The following NME2 variants were observed in gnomAD, a reference collection of about 807,000 sequenced individuals.
NME2 encodes nucleoside diphosphate kinase B.
In NME2, 18 loss-of-function variants were observed where a neutral mutation model predicts 17.8. That is an observed-to-expected ratio of 1.01 (90% CI 0.70 to 1.50). The LOEUF (loss-of-function observed/expected upper bound fraction) is 1.50, where lower values mean the gene tolerates loss of function less well. Among genes scored for constraint, NME2 ranks in the 40% most tolerant of loss-of-function variants. NME2 has a pLI of 0.00. For missense variants in NME2, 161 were observed against 195.6 expected (o/e 0.82, Z 1.05); for synonymous variants, 74 against 71.4 (o/e 1.04, Z -0.19).
intron 1 of NME2, 55 bp from the exon 2 acceptor site, chr17:51,166,772 C>T: frequency 6.6e-7 from 1 of 1,507,352 alleles, no homozygotes; most frequent in African/African-American, 1.5e-5. Flanking sequence ...ACGTGGCCTC[C>T]GCGGGCCCCG....
chr17:51,168,333 T>C lies in NME2; in HGVS notation c.218T>C (p.Val73Ala). 6.2e-7 allele frequency: 1 copy of C among 1,613,848 alleles called. No homozygotes were observed. The highest frequency in any genetic ancestry group is 8.5e-7 in the Non-Finnish European group (1 of 1,179,856). Residue 73 changes from valine (V) to alanine (A), a missense_variant, in exon 3 of 5, where the codon GTT (valine) becomes GCT (alanine). Transcript: ENST00000512737. ...GLVKYMNSGP[V>A]VAMVWEGLNV... ...GTGAAGTACATGAACTCAGGGCCGG[T>C]TGTGGCCATGGTGAGTGCTCGTGGG...
chr17:51,170,141 C>CTT, intron 4 of NME2, 92 bp downstream of exon 4: 1 of 942,484 alleles, frequency 1.1e-6, no homozygotes, highest in Non-Finnish European at 1.5e-6. Flanking sequence ...GAATCTGTGC[C>CTT]CTTTTTTTTT....
intron 2 of NME2, chr17:51,167,167 C>G (rs1021271744): frequency 3.6e-6 from 4 of 1,100,106 alleles, no homozygotes; most frequent in South Asian, 1.7e-5. Context: ...GCGCTGGTAG[C>G]GTGACTCGCC....
intron 2 of NME2, 34 bp downstream of exon 2, chr17:51,166,990 G>A (rs1427035093): frequency 6.2e-7 from 1 of 1,609,872 alleles, no homozygotes. Context: ...CCCCGCTGCA[G>A]CCGGCTCGCG....
chr17:51,167,373 C>G (rs2049969373), intron 2 of NME2: 1 of 261,492 alleles, frequency 3.8e-6, no homozygotes, highest in East Asian at 1.6e-4. Flanking sequence ...CCTCCTTTAG[C>G]ATAGGGTAGT....
chr17:51,171,428 C>T, intron 4 of NME2, 59 bp from the exon 5 acceptor site: 1 of 1,471,868 alleles, frequency 6.8e-7, no homozygotes, highest in South Asian at 1.2e-5. Flanking sequence ...ATTGCGGTAC[C>T]CATTAAACAG....
chr17:51,169,786 T>C, intron 3 of NME2, 151 bp from the exon 4 acceptor site: 1 of 645,294 alleles, frequency 1.5e-6, no homozygotes, highest in South Asian at 2.1e-5. Flanking sequence ...GAATGCAGTT[T>C]TTATATAGGC....
intron 3 of NME2, among the ~76,000 whole-genome samples, chr17:51,168,826 C>T (rs1245822202): frequency 6.7e-6 from 1 of 149,942 alleles, no homozygotes; most frequent in Non-Finnish European, 1.5e-5. Context: ...GGGTGGATCA[C>T]CTGAGGCCAG....
At chr17:51,167,056 G>T in intron 2 of NME2, 100 bp downstream of exon 2, 1 of 1,600,272 alleles carries the variant, frequency 6.2e-7, no homozygotes, top group Admixed American at 1.7e-5. Context: ...AGTTCATTTC[G>T]CTGCCGCGAA....
At chr17:51,166,332 G>A (rs1435790616), upstream of NME2, 1 of 152,292 alleles carries the variant, frequency 6.6e-6, no homozygotes, top group Non-Finnish European at 1.5e-5. Context: ...CGTCGGGCCG[G>A]GCGGGTGGGG....
intron 2 of NME2, 89 bp downstream of exon 2, chr17:51,167,045 G>A (rs1247413037): frequency 1.9e-6 from 3 of 1,604,128 alleles, no homozygotes; most frequent in Non-Finnish European, 2.6e-6. Context: ...TCTGCTTTCC[G>A]AGTTCATTTC....
chr17:51,171,415 T>A (rs2050066122), intron 4 of NME2, 72 bp from the exon 5 acceptor site: 8 of 1,321,342 alleles, frequency 6.1e-6, no homozygotes, highest in Non-Finnish European at 8.6e-6. Flanking sequence ...TGGAGTGCTG[T>A]CCATTGCGGT....
rs976954180 is a variant in NME2, at chr17:51,167,202, G to C, written c.126+246G>C. 3 of 834,110 alleles carry C rather than the reference G, an allele frequency of 3.6e-6. No homozygotes were observed. In the South Asian group the frequency reaches 5.7e-5, roughly 16 times the overall value. The allele number at this position is 834,110 out of a possible 1,614,324, so 51.7% of individuals were successfully genotyped here. ...CCTCCGGGTTTGGGTTCCTTCCCGC[G>C]GGCCGCTACCTGCCCACCCGCCGCA... On this transcript the variant is annotated intron_variant, in intron 2 of 4. Transcript: ENST00000512737.
Position 51,171,694 on chromosome 17 carries a change from T to C in NME2, c.*90T>C. The C allele has an allele frequency of 1.0e-6, 1 of 968,654 alleles. No homozygotes were observed. The highest frequency in any genetic ancestry group is 1.5e-5 in the South Asian group (1 of 67,932). The allele number at this position is 968,654 out of a possible 1,614,324, so 60.0% of individuals were successfully genotyped here. A position where few individuals can be genotyped will look rare whatever the true frequency, so the allele number is the denominator to read the frequency against. ...TCCATTGACTTAGAGGCAACAGGAT[T>C]GATCATTCTTTTATAGAGCATATTT... On this transcript the variant is annotated 3_prime_UTR_variant, in exon 5 of 5. Coordinates refer to ENST00000512737, the MANE Select transcript of NME2 (RefSeq NM_002512.4).
chr17:51,166,969 C>A lies in NME2; in HGVS notation c.126+13C>A, dbSNP rs765341356. 3 of 1,612,432 alleles carry A rather than the reference C, an allele frequency of 1.9e-6. No individual in the cohort carries two copies. The highest frequency in any genetic ancestry group is 3.3e-5 in the Admixed American group (2 of 59,940). ...GAAGTTCCTCCGGGTAACTCGCCCC[C>A]GTCTCCCCTTCCCCGCTGCAGCCGG... On this transcript the variant is annotated intron_variant, in intron 2 of 4. Transcript: ENST00000512737.
At chr17:51,167,481 A>G (rs2049971986) in intron 2 of NME2, among the ~76,000 whole-genome samples, 1 of 152,248 alleles carries the variant, frequency 6.6e-6, no homozygotes, top group Admixed American at 6.5e-5. Context: ...TCATCGGTGA[A>G]GAGAATGTTC....
intron 3 of NME2, among the ~76,000 whole-genome samples, chr17:51,169,135 G>A (rs1210358311): frequency 6.6e-6 from 1 of 151,964 alleles, no homozygotes; most frequent in African/African-American, 2.4e-5. Flanking sequence ...GTCCATTTGG[G>A]AGTGGAGAGA....
At chr17:51,167,227 A>T in intron 2 of NME2, 2 of 585,378 alleles carry the variant, frequency 3.4e-6, no homozygotes, top group Non-Finnish European at 5.4e-6. Context: ...CACCCGCCGC[A>T]GGGGGGCAGC....
At position 51,171,739 on chromosome 17, in the gene NME2, G is replaced by A. The variant is rs1309159305; in HGVS notation, c.*135G>A. 6.3e-6 allele frequency: 4 copies of A among 636,768 alleles called. No individual in the cohort carries two copies. The highest frequency in any genetic ancestry group is 1.1e-5 in the Non-Finnish European group (4 of 366,196). 39.4% of individuals were successfully genotyped at this position (636,768 alleles called of 1,614,324 possible). A position where few individuals can be genotyped will look rare whatever the true frequency, so the allele number is the denominator to read the frequency against. On this transcript the variant is annotated 3_prime_UTR_variant, in exon 5 of 5. Transcript: ENST00000512737. The stretch of plus-strand genomic sequence containing the variant: ...ATATTTGCCAATAAAGCTTTTGGAA[G>A]CCGGACACTGTCTCCTTGTGCTTAT...
Sources: allele counts gnomAD v4.1 joint callset (sites outside exome capture counted in the v4.1 genomes callset), GRCh38; gene constraint gnomAD v4.1.1; transcripts MANE v1.5; gene names NCBI Gene and HGNC (gene_info 2026-07-23, HGNC 2026-07-21).